Variants in SMAD6 observed in about 807,000 individuals in gnomAD.
SMAD6 encodes the protein SMAD family member 6.
Under a neutral mutation model 39.4 loss-of-function variants are expected in SMAD6, and 103 were observed. That is an observed-to-expected ratio of 2.62 (90% CI 2.23 to 3.08). The LOEUF is 3.08. Ranked by LOEUF, SMAD6 falls within the 30% of genes most tolerant of loss-of-function variation. The pLI is 0.00. For missense variants in SMAD6, 1,104 were observed against 742.9 expected, an observed-to-expected ratio of 1.49 and a Z score of -5.65; for synonymous variants, 445 against 353.3, an observed-to-expected ratio of 1.26 and a Z score of -2.91.
intron 3 of SMAD6, among the ~76,000 whole-genome samples, chr15:66,728,624 C>T (rs1054291239): frequency 2.6e-5 from 4 of 152,082 alleles, no homozygotes; most frequent in Admixed American, 2.0e-4. Flanking sequence ...TCAGGCTGGT[C>T]TCGAACTCCT....
At chr15:66,759,610 G>A (rs73471600) in intron 3 of SMAD6, among the ~76,000 whole-genome samples, 3,311 of 152,272 alleles carry the variant, frequency 0.022, 149 homozygotes, top group East Asian at 0.17. Context: ...TCATCCCACC[G>A]TGCTTTGTTG....
intron 3 of SMAD6, among the ~76,000 whole-genome samples, chr15:66,769,713 G>T (rs1894348453): frequency 6.6e-6 from 1 of 152,160 alleles, no homozygotes; most frequent in Non-Finnish European, 1.5e-5. Flanking sequence ...CCAAGAAGAA[G>T]TTTAAGGCAG....
intron 3 of SMAD6, among the ~76,000 whole-genome samples, chr15:66,739,093 T>C (rs867874278): frequency 4.9e-4 from 73 of 149,378 alleles, no homozygotes; most frequent in African/African-American, 1.5e-3. Context: ...CTTCTTCTTT[T>C]TTTTTTTTTT....
At chr15:66,723,152 G>T (rs538890085) in intron 3 of SMAD6, among the ~76,000 whole-genome samples, 2 of 152,240 alleles carry the variant, frequency 1.3e-5, no homozygotes, top group Admixed American at 1.3e-4. Context: ...CTGTGGCATG[G>T]AACAAAGTCA....
chr15:66,774,584 G>T (rs566999764), intron 3 of SMAD6, among the ~76,000 whole-genome samples: 83 of 152,296 alleles, frequency 5.4e-4, no homozygotes, highest in African/African-American at 2.0e-3. Flanking sequence ...GGGCCACTGT[G>T]GAGCCCTGCT....
At chr15:66,708,105 G>C (rs930520928) in intron 1 of SMAD6, 3 of 152,454 alleles carry the variant, frequency 2.0e-5, no homozygotes, top group Non-Finnish European at 2.9e-5. Flanking sequence ...CCTCAGGCTG[G>C]ATGTCCAAGG....
At chr15:66,729,040 G>A (rs779983038) in intron 3 of SMAD6, among the ~76,000 whole-genome samples, 9 of 152,216 alleles carry the variant, frequency 5.9e-5, no homozygotes, top group Admixed American at 3.3e-4. Context: ...CCTCTAGAGG[G>A]GATTTGGTTC....
At chr15:66,765,634 A>G (rs1236499713) in intron 3 of SMAD6, among the ~76,000 whole-genome samples, 5 of 152,222 alleles carry the variant, frequency 3.3e-5, no homozygotes, top group African/African-American at 1.2e-4. Context: ...ACAAACACAC[A>G]GACCACTGCC....
At chr15:66,767,959 C>CTTTTTTTTTT (rs71142337) in intron 3 of SMAD6, among the ~76,000 whole-genome samples, 2 of 60,252 alleles carry the variant, frequency 3.3e-5, no homozygotes, top group Non-Finnish European at 5.7e-5. Flanking sequence ...CAAGCTGCAT[C>CTTTTTTTTTT]TTTTTTTTTT....
rs1289706138 is a variant in SMAD6, at chr15:66,782,179, C to A, written c.*644C>A. 11 of 349,808 alleles carry A rather than the reference C, an allele frequency of 3.1e-5. No homozygotes were observed. The allele number at this position is 349,808 out of a possible 1,614,324, so 21.7% of individuals were successfully genotyped here. ...TAAACCAGAGAAAGTTCTGTTGTTC[C>A]TTCCTGCCCATGGCTATGGGGTGTC... On this transcript the variant is annotated 3_prime_UTR_variant, in exon 4 of 4. Coordinates refer to ENST00000288840, the MANE Select transcript of SMAD6 (RefSeq NM_005585.5).
rs200046691 is a variant in SMAD6, at chr15:66,770,571, C to CT, written c.953-10425dup. ...AAGGCTTTCCCACCCCAGGTGGTCT[C>CT]TGAGTAAGAAAACAAACAAACACAC... On this transcript the variant is annotated intron_variant, in intron 3 of 3. Transcript: ENST00000288840. Among the ~76,000 whole-genome samples the CT allele has an allele frequency of 4.7e-3, 719 of 152,144 alleles. 15 individuals are homozygous for CT. Among genetic ancestry groups the CT allele is most frequent in the Admixed American group, 0.027 (406 of 15,300 alleles).
At position 66,771,115 on chromosome 15, in the gene SMAD6, A is replaced by G. The variant is rs371432401; in HGVS notation, c.953-9882A>G. On this transcript the variant is annotated intron_variant, in intron 3 of 3. Transcript: ENST00000288840. Reference sequence around the variant, plus strand: ...GGGAGACGATCTCTTTGGCATGGCCAGACCGGTGAGCTGCAGGTGGAGGGC... The same window carrying G: ...GGGAGACGATCTCTTTGGCATGGCCGGACCGGTGAGCTGCAGGTGGAGGGC... 7.2e-5 allele frequency among the ~76,000 whole-genome samples: 11 copies of G among 152,280 alleles called. No individual in the cohort carries two copies. In the East Asian group the frequency reaches 1.5e-3, roughly 21 times the overall value.
rs75594807 is a variant in SMAD6 at position 66,772,018 on chromosome 15, G to A, written c.953-8979G>A. Among the ~76,000 whole-genome samples the A allele has an allele frequency of 1.2e-4, 18 of 152,296 alleles. No homozygotes were observed. The East Asian group carries it at 3.3e-3, about 28-fold the overall frequency. ...AGGAAGATGGGCAGCATGTCGTGGGGCAGTGTCGTTAGCACTGTCACCTTC... is the reference window on the plus strand; with the variant it reads ...AGGAAGATGGGCAGCATGTCGTGGGACAGTGTCGTTAGCACTGTCACCTTC... On this transcript the variant is annotated intron_variant, in intron 3 of 3. Transcript: ENST00000288840.
chr15:66,717,966 T>G (rs1050934853), intron 3 of SMAD6, among the ~76,000 whole-genome samples: 6 of 152,198 alleles, frequency 3.9e-5, no homozygotes, highest in African/African-American at 1.2e-4. Context: ...CATATAATTT[T>G]GAAGCAAGGG....
chr15:66,703,307 C>T lies in SMAD6; in HGVS notation c.49C>T (p.Arg17Cys). 2 of 1,490,178 alleles carry T rather than the reference C, an allele frequency of 1.3e-6. No homozygotes were observed. The highest frequency in any genetic ancestry group is 8.9e-7 in the Non-Finnish European group (1 of 1,119,130). The allele number at this position is 1,490,178 out of a possible 1,614,324, so 92.3% of individuals were successfully genotyped here. A position where few individuals can be genotyped will look rare whatever the true frequency, so the allele number is the denominator to read the frequency against. The stretch of plus-strand genomic sequence containing the variant: ...GCTGGTGCGGCGACTTTGGCGAAGT[C>T]GTGTGGTCCCCGACCGGGAGGAAGG... ...SGLVRRLWRS[R>C]VVPDREEGGS... is the part of the protein sequence containing the mutation. The change falls in exon 1 of 4, where the codon CGT (arginine) becomes TGT (cysteine). Residue 17 changes from arginine (R) to cysteine (C), a missense_variant. Arg to Cys is a radical substitution (Grantham distance 180). Coordinates refer to ENST00000288840, the MANE Select transcript of SMAD6 (RefSeq NM_005585.5).
intron 2 of SMAD6, 121 bp downstream of exon 2, chr15:66,711,845 C>T (rs1893238335): frequency 4.4e-5 from 35 of 796,688 alleles, no homozygotes; most frequent in South Asian, 3.0e-4. Context: ...GGGTGAAAGC[C>T]GGACTGGTTG....
In SMAD6 at chr15:66,781,136, C is replaced by T. The variant is rs1435354541; in HGVS notation, c.1092C>T (p.Ser364=). The T allele has an allele frequency of 2.5e-6, 4 of 1,608,448 alleles. No homozygotes were observed. Among genetic ancestry groups the T allele is most frequent in the Non-Finnish European group, 3.4e-6 (4 of 1,179,746 alleles). Residue 364 remains serine (S), a synonymous_variant, in exon 4 of 4, where the codon AGC becomes AGT. Transcript: ENST00000288840. Reference sequence around the variant, plus strand: ...TCTTCTACGACCTACCTCAGGGCAGCGGCTTCTGCCTGGGCCAGCTCAACC... The same window carrying T: ...TCTTCTACGACCTACCTCAGGGCAGTGGCTTCTGCCTGGGCCAGCTCAACC... ...VSIFYDLPQG[S]GFCLGQLNLE...
In SMAD6 at chr15:66,710,265, G is replaced by A. The variant is rs145004988; in HGVS notation, c.818-1403G>A. Among the ~76,000 whole-genome samples, 6 of 152,290 alleles carry A rather than the reference G, an allele frequency of 3.9e-5. No individual in the cohort carries two copies. The East Asian group carries it at 1.2e-3, about 29-fold the overall frequency. On this transcript the variant is annotated intron_variant, in intron 1 of 3. Transcript: ENST00000288840. ...CATAATTAACTACTCTGTACCTGAG[G>A]TCTAAAATAGTAAAATTGAAAGTGA...
At chr15:66,757,147 A>G (rs998891202) in intron 3 of SMAD6, among the ~76,000 whole-genome samples, 5 of 152,134 alleles carry the variant, frequency 3.3e-5, no homozygotes, top group Non-Finnish European at 4.4e-5. Flanking sequence ...CGTTCATGCC[A>G]TAAGGATCTA....
Sources: allele counts gnomAD v4.1 joint callset (sites outside exome capture counted in the v4.1 genomes callset), GRCh38; gene constraint gnomAD v4.1.1; transcripts MANE v1.5; gene names NCBI Gene and HGNC (gene_info 2026-07-23, HGNC 2026-07-21).